The following ENDOD1 variants were observed in gnomAD, a reference collection of about 807,000 sequenced individuals.
ENDOD1 encodes endonuclease domain-containing 1 protein.
Under a neutral mutation model 6.5 loss-of-function variants are expected in ENDOD1, and 9 were observed. The ratio of observed to expected loss-of-function variants is 1.39; its 90% CI spans 0.84 to 2.43. The LOEUF is 2.43. Among genes scored for constraint, ENDOD1 ranks in the 30% most tolerant of loss-of-function variants. The pLI is 0.00. For missense variants in ENDOD1, 648 were observed against 635.5 expected, an observed-to-expected ratio of 1.02 and a Z score of -0.21; for synonymous variants, 255 against 255.2, an observed-to-expected ratio of 1.00 and a Z score of 0.01.
Position 95,128,812 on chromosome 11 carries a change from ATAGAAGATGTGATGGTAAAAGAT to A in ENDOD1, c.737_759del (p.Ile246ThrfsTer8). ...CAAGCACACCCGGGACAGTGACATC[ATAGAAGATGTGATGGTAAAAGAT>A]CTTCAGAAACTGCTTCCATTTAACC... On this transcript the variant is annotated frameshift_variant, in exon 2 of 2. Coordinates refer to ENST00000278505, the MANE Select transcript of ENDOD1 (RefSeq NM_015036.3). LOFTEE classifies it low-confidence loss of function (END_TRUNC). The A allele has an allele frequency of 6.2e-7, 1 of 1,614,206 alleles. No homozygotes were observed. The highest frequency in any genetic ancestry group is 8.5e-7 in the Non-Finnish European group (1 of 1,180,012).
At chr11:95,115,963 T>A (rs1859204719) in intron 1 of ENDOD1, among the ~76,000 whole-genome samples, 1 of 152,154 alleles carries the variant, frequency 6.6e-6, no homozygotes, top group Admixed American at 6.5e-5. Flanking sequence ...TTTTGATGTG[T>A]CTTTATCTGG....
At chr11:95,109,046 C>T (rs868923785) in intron 1 of ENDOD1, among the ~76,000 whole-genome samples, 13 of 152,172 alleles carry the variant, frequency 8.5e-5, no homozygotes, top group Middle Eastern at 6.3e-3. Flanking sequence ...GTAGTTCACA[C>T]AGCAGAAATA....
chr11:95,104,700 A>T (rs1008898741), intron 1 of ENDOD1, among the ~76,000 whole-genome samples: 5 of 152,230 alleles, frequency 3.3e-5, no homozygotes, highest in Non-Finnish European at 7.3e-5. Context: ...AGGTAGATTC[A>T]CAGGCACGGG....
At chr11:95,109,566 G>A (rs945923480) in intron 1 of ENDOD1, among the ~76,000 whole-genome samples, 13 of 152,240 alleles carry the variant, frequency 8.5e-5, no homozygotes, top group Admixed American at 6.5e-5. Context: ...TCAGACTGAT[G>A]GATAAACATA....
At chr11:95,120,356 C>T (rs1239417026) in intron 1 of ENDOD1, among the ~76,000 whole-genome samples, 1 of 152,010 alleles carries the variant, frequency 6.6e-6, no homozygotes, top group Non-Finnish European at 1.5e-5. Flanking sequence ...TTATTAAGGG[C>T]CCAAAAGGTC....
At chr11:95,123,441 A>G (rs373584354) in intron 1 of ENDOD1, among the ~76,000 whole-genome samples, 7 of 152,232 alleles carry the variant, frequency 4.6e-5, no homozygotes, top group East Asian at 1.9e-4. Context: ...AACGTGGCCA[A>G]TGTGATTTAG....
chr11:95,115,638 T>TTA (rs1342416575), intron 1 of ENDOD1, among the ~76,000 whole-genome samples: 2 of 152,010 alleles, frequency 1.3e-5, no homozygotes, highest in African/African-American at 2.4e-5. Flanking sequence ...TGTGGGTCTA[T>TTA]TATATATATG....
In ENDOD1 at chr11:95,129,647, G is replaced by T; in HGVS notation, c.*68G>T. On this transcript the variant is annotated 3_prime_UTR_variant, in exon 2 of 2. Transcript: ENST00000278505. ...CTGGAATAGTTTGTCTTTACAATGG[G>T]TTTCTGTTCACTGTCAGTTATCATT... The T allele has an allele frequency of 6.6e-7, 1 of 1,509,558 alleles. No homozygotes were observed. Among genetic ancestry groups the T allele is most frequent in the Non-Finnish European group, 8.9e-7 (1 of 1,119,356 alleles). The allele number at this position is 1,509,558 out of a possible 1,614,324, so 93.5% of individuals were successfully genotyped here. A position where few individuals can be genotyped will look rare whatever the true frequency, so the allele number is the denominator to read the frequency against.
chr11:95,095,487 T>C (rs1468867470), intron 1 of ENDOD1, among the ~76,000 whole-genome samples: 1 of 2,898 alleles, frequency 3.5e-4, no homozygotes, highest in African/African-American at 1.1e-3. Flanking sequence ...AGTGTTTCCT[T>C]TTGTTTTGCA....
chr11:95,131,923 T>C lies in ENDOD1; in HGVS notation c.*2344T>C, dbSNP rs1158594409. 6.6e-6 allele frequency: 1 copy of C among 152,048 alleles called. No homozygotes were observed. The highest frequency in any genetic ancestry group is 1.5e-5 in the Non-Finnish European group (1 of 68,024). 9.4% of individuals were successfully genotyped at this position (152,048 alleles called of 1,614,324 possible). On this transcript the variant is annotated 3_prime_UTR_variant, in exon 2 of 2. Transcript: ENST00000278505. ...TAAAAAGGGACAATAAAGCAAAAAGTATCAGTAAGGATAGGTGGCTGAGAC... is the reference window on the plus strand; with the variant it reads ...TAAAAAGGGACAATAAAGCAAAAAGCATCAGTAAGGATAGGTGGCTGAGAC...
intron 1 of ENDOD1, among the ~76,000 whole-genome samples, chr11:95,123,057 C>T (rs1349800269): frequency 1.3e-5 from 2 of 151,978 alleles, no homozygotes; most frequent in Non-Finnish European, 2.9e-5. Context: ...GGTGTGGTGG[C>T]ACGTGCCTGT....
At chr11:95,121,829 G>T (rs1222898045) in intron 1 of ENDOD1, among the ~76,000 whole-genome samples, 1 of 152,132 alleles carries the variant, frequency 6.6e-6, no homozygotes, top group Non-Finnish European at 1.5e-5. Context: ...GTTGAGATTA[G>T]AAAGAAATTT....
chr11:95,126,351 C>T (rs80087474), intron 1 of ENDOD1, among the ~76,000 whole-genome samples: 2,515 of 152,122 alleles, frequency 0.017, 70 homozygotes, highest in African/African-American at 0.058. Flanking sequence ...TGAGTAGCAC[C>T]GATTTTAGGG....
intron 1 of ENDOD1, among the ~76,000 whole-genome samples, chr11:95,111,399 A>T (rs1386818367): frequency 4.6e-5 from 7 of 152,062 alleles, no homozygotes; most frequent in Admixed American, 3.9e-4. Context: ...CAAGAGCATT[A>T]CTTTTATTGT....
intron 1 of ENDOD1, among the ~76,000 whole-genome samples, chr11:95,125,617 C>T (rs1258740054): frequency 1.3e-5 from 2 of 149,980 alleles, no homozygotes; most frequent in African/African-American, 4.9e-5. Flanking sequence ...CAACCATCCC[C>T]GGTGCGTGAT....
chr11:95,116,830 T>G (rs1189119267), intron 1 of ENDOD1, among the ~76,000 whole-genome samples: 1 of 152,256 alleles, frequency 6.6e-6, no homozygotes, highest in Admixed American at 6.5e-5. Context: ...GATTTCTGTT[T>G]CTTTGTGTTC....
chr11:95,112,037 CTG>C (rs1247072783), intron 1 of ENDOD1, among the ~76,000 whole-genome samples: 1 of 152,222 alleles, frequency 6.6e-6, no homozygotes, highest in African/African-American at 2.4e-5. Context: ...CTTCCACCAG[CTG>C]TCTTCTTTCC....
chr11:95,122,161 T>C (rs952828644), intron 1 of ENDOD1, among the ~76,000 whole-genome samples: 4 of 152,044 alleles, frequency 2.6e-5, no homozygotes, highest in African/African-American at 9.7e-5. Context: ...TAAGTGACAA[T>C]GTATCAAAGA....
At chr11:95,106,769 C>A (rs1369500445) in intron 1 of ENDOD1, among the ~76,000 whole-genome samples, 2 of 152,024 alleles carry the variant, frequency 1.3e-5, no homozygotes, top group East Asian at 2.0e-4. Context: ...TTAGCCAGGG[C>A]ACTCCCCAAA....
Sources: allele counts gnomAD v4.1 joint callset (sites outside exome capture counted in the v4.1 genomes callset), GRCh38; gene constraint gnomAD v4.1.1; transcripts MANE v1.5; gene names NCBI Gene and HGNC (gene_info 2026-07-23, HGNC 2026-07-21).